ZMAT4: variants seen among roughly 807,000 people sequenced by gnomAD.
ZMAT4 encodes zinc finger matrin-type 4, also known as zinc finger matrin-type protein 4.
A neutral mutation model predicts 28.7 loss-of-function variants in ZMAT4; 17 were observed. That is an observed-to-expected ratio of 0.59 (90% CI 0.41 to 0.89). The LOEUF is 0.89. Among genes scored for constraint, ZMAT4 ranks in the 40% least tolerant of loss-of-function variants. The probability of loss-of-function intolerance (pLI) is 0.00; values close to 1 mark genes in which losing one functional copy is unlikely to be tolerated. For missense variants in ZMAT4, 240 were observed against 283.8 expected, an observed-to-expected ratio of 0.85 and a Z score of 1.11; for synonymous variants, 117 against 109.2, an observed-to-expected ratio of 1.07 and a Z score of -0.44.
At chr8:40,747,640 G>A (rs1812294938) in intron 3 of ZMAT4, among the ~76,000 whole-genome samples, 1 of 152,060 alleles carries the variant, frequency 6.6e-6, no homozygotes. Flanking sequence ...TATGGTAAGA[G>A]AGGTGGGAGG....
intron 5 of ZMAT4, among the ~76,000 whole-genome samples, chr8:40,636,943 C>A (rs189833500): frequency 6.6e-6 from 1 of 151,976 alleles, no homozygotes; most frequent in Non-Finnish European, 1.5e-5. Flanking sequence ...TGAGAGCTGC[C>A]GAATGCAAAA....
At chr8:40,611,771 A>G (rs1004366955) in intron 5 of ZMAT4, among the ~76,000 whole-genome samples, 3 of 152,260 alleles carry the variant, frequency 2.0e-5, no homozygotes, top group African/African-American at 4.8e-5. Flanking sequence ...TATTCTGAAC[A>G]CTAGTAAGGG....
At chr8:40,837,471 TA>T (rs1671123485) in intron 1 of ZMAT4, among the ~76,000 whole-genome samples, 1 of 152,216 alleles carries the variant, frequency 6.6e-6, no homozygotes, top group African/African-American at 2.4e-5. Flanking sequence ...TGACCTTAAC[TA>T]ACTCTACTTG....
At position 40,581,279 on chromosome 8, in the gene ZMAT4, A is replaced by C. The variant is rs1454254981; in HGVS notation, c.578-18T>G. Reference sequence around the variant, plus strand: ...CCTCAGACCTGTGGACAACAGACAGACCTGGTTAGCTGCATCCAGTCGTCA... The same window carrying C: ...CCTCAGACCTGTGGACAACAGACAGCCCTGGTTAGCTGCATCCAGTCGTCA... On this transcript the variant is annotated intron_variant, in intron 5 of 6. Transcript: ENST00000297737. 10 of 1,608,204 alleles carry C rather than the reference A, an allele frequency of 6.2e-6. No homozygotes were observed. The highest frequency in any genetic ancestry group is 8.5e-6 in the Non-Finnish European group (10 of 1,175,018).
At chr8:40,861,105 T>C (rs1232078292) in intron 1 of ZMAT4, among the ~76,000 whole-genome samples, 1 of 152,232 alleles carries the variant, frequency 6.6e-6, no homozygotes, top group Non-Finnish European at 1.5e-5. Flanking sequence ...ATATTAATAG[T>C]TCATGCTTCC....
intron 6 of ZMAT4, among the ~76,000 whole-genome samples, chr8:40,579,410 G>A (rs1804377213): frequency 6.6e-6 from 1 of 152,146 alleles, no homozygotes; most frequent in African/African-American, 2.4e-5. Context: ...AACAGCTTGG[G>A]GGGATGAGCA....
chr8:40,655,597 A>G (rs908750771), intron 5 of ZMAT4, among the ~76,000 whole-genome samples: 8 of 131,662 alleles, frequency 6.1e-5, no homozygotes, highest in Non-Finnish European at 1.1e-4. Flanking sequence ...GGTGTTGCAG[A>G]AAAAAAAAAG....
rs968015748 is a variant in ZMAT4 at position 40,742,708 on chromosome 8, T to C, written c.192+24933A>G. On this transcript the variant is annotated intron_variant, in intron 3 of 6. Coordinates refer to ENST00000297737, the MANE Select transcript of ZMAT4 (RefSeq NM_024645.3). Reference sequence around the variant, plus strand: ...TGGGTGTTATCTCCTTTAGCAAAAATTCATGTGAACAGCAACAACCTTTGA... The same window carrying C: ...TGGGTGTTATCTCCTTTAGCAAAAACTCATGTGAACAGCAACAACCTTTGA... Among the ~76,000 whole-genome samples the C allele has an allele frequency of 2.0e-5, 3 of 150,874 alleles. No individual in the cohort carries two copies. The Admixed American group carries it at 2.0e-4, about 10-fold the overall frequency.
rs769291323 is a variant in ZMAT4 at position 40,674,763 on chromosome 8, G to A, written c.518C>T (p.Ala173Val). ...TTGTTCTAACAAAGCAACTCTTGCC[G>A]CATTCTTTTTGTGTTTCTTGCCATC... is the stretch of plus-strand genomic sequence containing the variant. ...HYDGKKHKKN[A>V]ARVALLEQLG... The change falls in exon 5 of 7, where the codon GCG becomes GTG. Residue 173 changes from alanine to valine, a missense_variant. Coordinates refer to ENST00000297737, the MANE Select transcript of ZMAT4 (RefSeq NM_024645.3). 1.2e-5 allele frequency: 20 copies of A among 1,613,896 alleles called. No homozygotes were observed. Among genetic ancestry groups the A allele is most frequent in the Non-Finnish European group, 1.6e-5 (19 of 1,179,890 alleles).
At chr8:40,881,573 AGAAAGAAAGAAAG>A (rs1270101364) in intron 1 of ZMAT4, among the ~76,000 whole-genome samples, 1 of 106,528 alleles carries the variant, frequency 9.4e-6, no homozygotes, top group African/African-American at 3.8e-5. Flanking sequence ...AAAGAAAGAA[AGAAAGAAAGAAAG>A]AAAGAAAGAA....
chr8:40,885,868 C>T (rs886862931), intron 1 of ZMAT4, among the ~76,000 whole-genome samples: 1 of 152,232 alleles, frequency 6.6e-6, no homozygotes, highest in African/African-American at 2.4e-5. Context: ...ACTCCCTGTT[C>T]CCCTTGTGGG....
rs562432096 is a variant in ZMAT4, at chr8:40,668,294, A to G, written c.577+6410T>C. ...GAACCAGCCTGGCCAACATTGGGAAACCCCATCTCTACTAAAAATACAAAA... is the reference window on the plus strand; with the variant it reads ...GAACCAGCCTGGCCAACATTGGGAAGCCCCATCTCTACTAAAAATACAAAA... On this transcript the variant is annotated intron_variant, in intron 5 of 6. Transcript: ENST00000297737. Among the ~76,000 whole-genome samples the G allele has an allele frequency of 2.0e-5, 3 of 151,846 alleles. No individual in the cohort carries two copies. In the South Asian group the frequency reaches 6.2e-4, roughly 32 times the overall value.
At chr8:40,889,241 A>G (rs1818578614) in intron 1 of ZMAT4, among the ~76,000 whole-genome samples, 2 of 152,248 alleles carry the variant, frequency 1.3e-5, no homozygotes, top group African/African-American at 4.8e-5. Flanking sequence ...TGCACACTTC[A>G]CACCTGGCTG....
intron 5 of ZMAT4, among the ~76,000 whole-genome samples, chr8:40,610,670 C>T (rs768800379): frequency 2.6e-5 from 4 of 151,688 alleles, no homozygotes; most frequent in African/African-American, 7.3e-5. Flanking sequence ...GGAAAAGTGC[C>T]GGGGTTTCAC....
At chr8:40,734,023 A>T (rs1811652547) in intron 3 of ZMAT4, among the ~76,000 whole-genome samples, 1 of 152,204 alleles carries the variant, frequency 6.6e-6, no homozygotes, top group Non-Finnish European at 1.5e-5. Flanking sequence ...GAGTTCCACA[A>T]GGAAGGTAGT....
chr8:40,846,426 T>A (rs1216191074), intron 1 of ZMAT4, among the ~76,000 whole-genome samples: 1 of 152,160 alleles, frequency 6.6e-6, no homozygotes, highest in Non-Finnish European at 1.5e-5. Context: ...AGGGAGAGGG[T>A]GTCCTGGGCA....
chr8:40,843,389 C>T (rs991013214), intron 1 of ZMAT4, among the ~76,000 whole-genome samples: 1 of 152,128 alleles, frequency 6.6e-6, no homozygotes, highest in Non-Finnish European at 1.5e-5. Flanking sequence ...GCTCATGGGG[C>T]CCTGTGTCCA....
At chr8:40,674,241 C>T (rs1205688587) in intron 5 of ZMAT4, 3 of 152,986 alleles carry the variant, frequency 2.0e-5, no homozygotes, top group Non-Finnish European at 4.4e-5. Context: ...ATTATAGGTG[C>T]GCACTGCCAC....
At chr8:40,687,140 A>G (rs564618414) in intron 4 of ZMAT4, among the ~76,000 whole-genome samples, 61 of 152,202 alleles carry the variant, frequency 4.0e-4, no homozygotes, top group Admixed American at 1.4e-3. Flanking sequence ...CAGAGAGATG[A>G]TATGAGGAAG....
Sources: allele counts gnomAD v4.1 joint callset (sites outside exome capture counted in the v4.1 genomes callset), GRCh38; gene constraint gnomAD v4.1.1; transcripts MANE v1.5; gene names NCBI Gene and HGNC (gene_info 2026-07-23, HGNC 2026-07-21).